The following STAT4 variants were observed in gnomAD, a reference collection of about 807,000 sequenced individuals.
STAT4 encodes signal transducer and activator of transcription 4.
In STAT4, 42 loss-of-function variants were observed where a neutral mutation model predicts 110.5. The observed-to-expected ratio is 0.38, with a 90% CI of 0.30 to 0.49. STAT4 has a LOEUF of 0.49. Ranked by LOEUF, STAT4 falls within the 20% of genes least tolerant of loss-of-function variation. The pLI, the probability that STAT4 is intolerant of heterozygous loss-of-function variation, is 0.95. For synonymous variants in STAT4, 284 were observed against 302.2 expected (o/e 0.94, Z 0.63); for missense variants, 632 against 887.9 (o/e 0.71, Z 3.66).
intron 3 of STAT4, among the ~76,000 whole-genome samples, chr2:191,098,723 G>A (rs1304297543): frequency 6.6e-6 from 1 of 152,130 alleles, no homozygotes; most frequent in Non-Finnish European, 1.5e-5. Flanking sequence ...AAACCTGCAC[G>A]TTGTGCACAT....
chr2:191,030,877 C>A lies in STAT4; in HGVS notation c.2220+95G>T. 8.8e-7 allele frequency: 1 copy of A among 1,134,466 alleles called. No individual in the cohort carries two copies. Among genetic ancestry groups the A allele is most frequent in the Non-Finnish European group, 1.3e-6 (1 of 757,504 alleles). 70.3% of individuals were successfully genotyped at this position (1,134,466 alleles called of 1,614,324 possible). On this transcript the variant is annotated intron_variant, in intron 23 of 23. Transcript: ENST00000392320. This position sits in a 1 kb window ranked among gnomAD's most constrained non-coding sequence, Gnocchi z 4.4. ...TTGTTCCAATAAATGTGTTTTCTCC[C>A]TACCCAGGCAGTATTTCAGCCCCTT...
intron 15 of STAT4, 54 bp downstream of exon 15, chr2:191,041,011 G>T: frequency 8.3e-7 from 1 of 1,208,964 alleles, no homozygotes; most frequent in Non-Finnish European, 1.1e-6. Context: ...TATTAATGCT[G>T]ACCAATTCTT....
At chr2:191,111,921 C>T (rs1009579873) in intron 3 of STAT4, among the ~76,000 whole-genome samples, 1 of 152,102 alleles carries the variant, frequency 6.6e-6, no homozygotes. Context: ...CTAGAAAATG[C>T]ACCCTAATCT....
In STAT4 at chr2:191,110,246, T is replaced by C. The variant is rs998469419; in HGVS notation, c.274-33921A>G. Among the ~76,000 whole-genome samples the C allele has an allele frequency of 2.0e-5, 3 of 152,196 alleles. No individual in the cohort carries two copies. The highest frequency in any genetic ancestry group is 2.0e-4 in the Admixed American group (3 of 15,274). On this transcript the variant is annotated intron_variant, in intron 3 of 23. Coordinates refer to ENST00000392320, the MANE Select transcript of STAT4 (RefSeq NM_003151.4). This position sits in a 1 kb window ranked among gnomAD's most constrained non-coding sequence, Gnocchi z 4.5. ...AGAAAAGGTCTTCTTCAGGCCTTTA[T>C]TCAACAATATTCAGGTTTCAGCTAT... is the stretch of plus-strand genomic sequence containing the variant.
Position 191,077,248 on chromosome 2 carries a change from A to G in STAT4, c.274-923T>C, listed in dbSNP as rs1373350542. ...AAAATACTGGAATCCCTTTGGAGAA[A>G]GTATGTACTACCCAGGGTTGACACA... On this transcript the variant is annotated intron_variant, in intron 3 of 23. Transcript: ENST00000392320. The surrounding 1 kb of genome is among the most constrained non-coding windows in gnomAD (Gnocchi z 4.1). 6.6e-6 allele frequency among the ~76,000 whole-genome samples: 1 copy of G among 152,196 alleles called. No homozygotes were observed. The highest frequency in any genetic ancestry group is 1.5e-5 in the Non-Finnish European group (1 of 68,018).
At chr2:191,108,256 G>A (rs543005903) in intron 3 of STAT4, among the ~76,000 whole-genome samples, 10 of 150,194 alleles carry the variant, frequency 6.7e-5, no homozygotes, top group Admixed American at 3.3e-4. Flanking sequence ...GCGCCACTAC[G>A]CTCCAGCCTG....
intron 13 of STAT4, among the ~76,000 whole-genome samples, chr2:191,056,414 C>G (rs777724020): frequency 1.3e-5 from 2 of 152,192 alleles, no homozygotes; most frequent in Non-Finnish European, 2.9e-5. Flanking sequence ...CTAGACATGA[C>G]AAGGTGAACT....
In STAT4 at chr2:191,029,823, C is replaced by T. The variant is rs376543078; in HGVS notation, c.*17G>A. 14 of 1,597,544 alleles carry T rather than the reference C, an allele frequency of 8.8e-6. No individual in the cohort carries two copies. The highest frequency in any genetic ancestry group is 4.1e-5 in the African/African-American group (3 of 73,888). ...TTTTCATTTGCTTCCTTTCTTGGTG[C>T]GTCAGAGTTTATCCTGTCATTCAGC... On this transcript the variant is annotated 3_prime_UTR_variant, in exon 24 of 24. Transcript: ENST00000392320. The surrounding 1 kb of genome is among the most constrained non-coding windows in gnomAD (Gnocchi z 4.5).
chr2:191,111,614 A>G (rs969035773), intron 3 of STAT4, among the ~76,000 whole-genome samples: 4 of 152,232 alleles, frequency 2.6e-5, no homozygotes, highest in South Asian at 2.1e-4. Context: ...ACACTTCGGG[A>G]GGCTGAGGCA....
At chr2:191,131,661 A>G in intron 3 of STAT4, 2 of 786,766 alleles carry the variant, frequency 2.5e-6, no homozygotes, top group Non-Finnish European at 3.4e-6. Flanking sequence ...GAGGCTTCAA[A>G]GGTAATGGTA....
rs1697359104 is a variant in STAT4, at chr2:191,077,826, T to G, written c.274-1501A>C. Among the ~76,000 whole-genome samples the G allele has an allele frequency of 6.6e-6, 1 of 152,094 alleles. No individual in the cohort carries two copies. Among genetic ancestry groups the G allele is most frequent in the African/African-American group, 2.4e-5 (1 of 41,426 alleles). On this transcript the variant is annotated intron_variant, in intron 3 of 23. Coordinates refer to ENST00000392320, the MANE Select transcript of STAT4 (RefSeq NM_003151.4). The surrounding 1 kb of genome is among the most constrained non-coding windows in gnomAD (Gnocchi z 4.1). ...TTTACAGTCTTCCAAACTCTTTCTTTTTTCTCTTTAAATCAAAAGTCTCCA... is the reference window on the plus strand; with the variant it reads ...TTTACAGTCTTCCAAACTCTTTCTTGTTTCTCTTTAAATCAAAAGTCTCCA...
In STAT4 at chr2:191,144,207, C is replaced by T. The variant is rs963389457; in HGVS notation, c.273+2406G>A. 3.9e-5 allele frequency among the ~76,000 whole-genome samples: 6 copies of T among 152,070 alleles called. No individual in the cohort carries two copies. The highest frequency in any genetic ancestry group is 1.4e-4 in the African/African-American group (6 of 41,412). On this transcript the variant is annotated intron_variant, in intron 3 of 23. Transcript: ENST00000392320. The surrounding 1 kb of genome is among the most constrained non-coding windows in gnomAD (Gnocchi z 4.7). ...CTTGTGACCTGGTTTGACACACATG[C>T]AACACAGATGAAAGGGACAGAAGGA...
chr2:191,103,194 G>A (rs1187074466), intron 3 of STAT4, among the ~76,000 whole-genome samples: 1 of 152,086 alleles, frequency 6.6e-6, no homozygotes, highest in African/African-American at 2.4e-5. Flanking sequence ...TAATTTTTAA[G>A]CTATGTTTGC....
Position 191,110,185 on chromosome 2 carries a change from CACAA to C in STAT4, c.274-33864_274-33861del, listed in dbSNP as rs1006905693. On this transcript the variant is annotated intron_variant, in intron 3 of 23. Transcript: ENST00000392320. The surrounding 1 kb of genome is among the most constrained non-coding windows in gnomAD (Gnocchi z 4.5). The stretch of plus-strand genomic sequence containing the variant: ...GACCACAAAACCATTCCTCAGTCTG[CACAA>C]ACATAGATTTGTGTTGATGTCAGTG... Among the ~76,000 whole-genome samples, 3 of 152,126 alleles carry C rather than the reference CACAA, an allele frequency of 2.0e-5. No individual in the cohort carries two copies. Among genetic ancestry groups the C allele is most frequent in the African/African-American group, 7.2e-5 (3 of 41,424 alleles).
At chr2:191,075,986 A>G (rs1697306540) in intron 4 of STAT4, 5 of 429,016 alleles carry the variant, frequency 1.2e-5, no homozygotes, top group Admixed American at 3.5e-5. Flanking sequence ...CAGAGCTAGG[A>G]CTATAGGCAT....
At chr2:191,098,217 G>T (rs1452523717) in intron 3 of STAT4, among the ~76,000 whole-genome samples, 1 of 152,162 alleles carries the variant, frequency 6.6e-6, no homozygotes. Context: ...ATTCCTCAAG[G>T]ATCTAGAACT....
At chr2:191,085,669 A>G (rs1159996650) in intron 3 of STAT4, among the ~76,000 whole-genome samples, 2 of 152,186 alleles carry the variant, frequency 1.3e-5, no homozygotes, top group Non-Finnish European at 2.9e-5. Flanking sequence ...GTTCAAAGTC[A>G]TCTCAGGATT....
intron 3 of STAT4, among the ~76,000 whole-genome samples, chr2:191,079,341 T>C (rs1419663936): frequency 1.3e-5 from 2 of 149,846 alleles, no homozygotes; most frequent in African/African-American, 4.9e-5. Context: ...TTCTAATCTA[T>C]TTATTTATGT....
At chr2:191,102,481 A>G (rs2125337575) in intron 3 of STAT4, among the ~76,000 whole-genome samples, 1 of 152,262 alleles carries the variant, frequency 6.6e-6, no homozygotes, top group East Asian at 1.9e-4. Context: ...TGTTTTTACA[A>G]CAACTGCCAG....
Sources: gnomAD v4.1 joint callset for allele counts (sites outside exome capture counted in the v4.1 genomes callset) on GRCh38, gnomAD v4.1.1 for gene constraint, Gnocchi (gnomAD v3.1) non-coding constraint, MANE v1.5 for transcripts, NCBI Gene and HGNC (gene_info 2026-07-23, HGNC 2026-07-21) for gene names.